Variants in ACHE observed in about 807,000 individuals in gnomAD.
ACHE encodes the protein acetylcholinesterase (Yt blood group).
Under a neutral mutation model 53.9 loss-of-function variants are expected in ACHE, and 19 were observed. That is an observed-to-expected ratio of 0.35 (90% CI 0.25 to 0.52). The LOEUF is 0.52. Ranked by LOEUF, ACHE falls within the 20% of genes least tolerant of loss-of-function variation. The pLI, the probability that ACHE is intolerant of heterozygous loss-of-function variation, is 0.95. For missense variants in ACHE, 605 were observed against 849.4 expected (o/e 0.71, Z 3.58); for synonymous variants, 392 against 378.1 (o/e 1.04, Z -0.43).
chr7:100,891,137 C>T, intron 4 of ACHE, 32 bp downstream of exon 4: 1 of 1,574,840 alleles, frequency 6.3e-7, no homozygotes, highest in Non-Finnish European at 8.6e-7. Context: ...CACTCCCCTC[C>T]TCCCAGCCGC....
chr7:100,895,989 C>T (rs935334634), upstream of ACHE: 1 of 150,430 alleles, frequency 6.6e-6, no homozygotes, highest in African/African-American at 2.4e-5. Flanking sequence ...CCCGCTCTCC[C>T]GGGTGGCCAC....
At chr7:100,895,546 G>T (rs1584779007) in intron 1 of ACHE, among the ~76,000 whole-genome samples, 1 of 152,288 alleles carries the variant, frequency 6.6e-6, no homozygotes, top group Admixed American at 6.5e-5. Flanking sequence ...CGGGGAAGGG[G>T]TGCTCGGGGG....
chr7:100,895,583 C>T (rs1280523198), intron 1 of ACHE, among the ~76,000 whole-genome samples: 1 of 152,186 alleles, frequency 6.6e-6, no homozygotes, highest in African/African-American at 2.4e-5. Context: ...AGCGCAGAGG[C>T]GGCGGCCGTT....
Position 100,890,050 on chromosome 7 carries a change from C to A in ACHE, c.*164G>T, listed in dbSNP as rs1291135821. ...GGCGAAGGCACCGCGGGGGAGGGAG[C>A]TCAGCCTGAGACATGCAGAGGACCG... On this transcript the variant is annotated 3_prime_UTR_variant, in exon 5 of 5. Transcript: ENST00000241069. 2.5e-6 allele frequency: 2 copies of A among 809,368 alleles called. No individual in the cohort carries two copies. Among genetic ancestry groups the A allele is most frequent in the East Asian group, 5.6e-5 (2 of 35,926 alleles). The allele number at this position is 809,368 out of a possible 1,614,324, so 50.1% of individuals were successfully genotyped here.
intron 1 of ACHE, among the ~76,000 whole-genome samples, chr7:100,894,817 T>C (rs1308405849): frequency 6.6e-6 from 1 of 151,628 alleles, no homozygotes; most frequent in Non-Finnish European, 1.5e-5. Context: ...TCATCCAATG[T>C]CTGGCACCGA....
intron 4 of ACHE, chr7:100,890,760 C>T: frequency 7.4e-7 from 1 of 1,343,338 alleles, no homozygotes. Flanking sequence ...TTTCCATTTC[C>T]ATTCAAACAA....
Position 100,893,027 on chromosome 7 carries a change from G to C in ACHE, c.1068+138C>G, listed in dbSNP as rs992479239. 5 of 1,207,930 alleles carry C rather than the reference G, an allele frequency of 4.1e-6. No homozygotes were observed. The African/African-American group carries it at 7.7e-5, about 18-fold the overall frequency. The allele number at this position is 1,207,930 out of a possible 1,614,324, so 74.8% of individuals were successfully genotyped here. A position where few individuals can be genotyped will look rare whatever the true frequency, so the allele number is the denominator to read the frequency against. Reference sequence around the variant, plus strand: ...CTGTCTGCCCTGCTGACCACCCTGGGATCTGAGCCCTCAGGGAGGACTTCT... The same window carrying C: ...CTGTCTGCCCTGCTGACCACCCTGGCATCTGAGCCCTCAGGGAGGACTTCT... On this transcript the variant is annotated intron_variant, in intron 2 of 4. Coordinates refer to ENST00000241069, the MANE Select transcript of ACHE (RefSeq NM_000665.5).
chr7:100,895,838 G>C lies in ACHE; in HGVS notation c.-57C>G, dbSNP rs1187039181. ...GAGCCGGGCCGGGCCGGGCCGCGCC[G>C]GGAGCTGGAGGCGGCCGATGTTCCC... On this transcript the variant is annotated 5_prime_UTR_variant, in exon 1 of 5. Transcript: ENST00000241069. 2 of 152,098 alleles carry C rather than the reference G, an allele frequency of 1.3e-5. No individual in the cohort carries two copies. The highest frequency in any genetic ancestry group is 2.4e-5 in the African/African-American group (1 of 41,396). The allele number at this position is 152,098 out of a possible 1,614,324, so 9.4% of individuals were successfully genotyped here.
chr7:100,893,389 G>T lies in ACHE; in HGVS notation c.844C>A (p.Leu282Met). The stretch of plus-strand genomic sequence containing the variant: ...GGAGGACAGCCCACAAGGTGGGCCA[G>T]CTGCGTGGCCCTGCGACGGGCCTCT... ...MGEARRRATQ[L>M]AHLVGCPPGG... is the part of the protein sequence containing the mutation. Residue 282 changes from leucine to methionine, a missense_variant, in exon 2 of 5, where the codon CTG becomes ATG. This residue lies in a region of ACHE where 397 missense variants were observed against 632.5 expected (regional missense o/e 0.63). Transcript: ENST00000241069. 6.2e-7 allele frequency: 1 copy of T among 1,613,066 alleles called. No homozygotes were observed.
At position 100,891,242 on chromosome 7, in the gene ACHE, C is replaced by T. The variant is rs776450194; in HGVS notation, c.1650G>A (p.Glu550=). The part of the protein sequence containing the change: ...QYVSLDLRPL[E]VRRGLRAQAC... ...CCTGGGCGCGCAGCCCCCGCCGCACCTCCAGCGGCCGCAGGTCCAGACTAA... is the reference window on the plus strand; with the variant it reads ...CCTGGGCGCGCAGCCCCCGCCGCACTTCCAGCGGCCGCAGGTCCAGACTAA... Residue 550 remains glutamate (E), a synonymous_variant, in exon 4 of 5, where the codon GAG becomes GAA. Transcript: ENST00000241069. 3.1e-6 allele frequency: 5 copies of T among 1,611,530 alleles called. No homozygotes were observed. Among genetic ancestry groups the T allele is most frequent in the Non-Finnish European group, 8.5e-7 (1 of 1,179,672 alleles).
intron 4 of ACHE, 126 bp from the exon 5 acceptor site, chr7:100,890,461 C>T (rs1156790447): frequency 1.4e-6 from 2 of 1,470,852 alleles, no homozygotes; most frequent in Admixed American, 2.2e-5. Context: ...ATGCAGGCGA[C>T]CACGTGGGAC....
chr7:100,890,607 G>A (rs748830679), intron 4 of ACHE: 1 of 1,384,208 alleles, frequency 7.2e-7, no homozygotes, highest in African/African-American at 1.5e-5. Flanking sequence ...GGGACAGGAG[G>A]GGGAGGTTGG....
chr7:100,895,644 G>A (rs1184789524), intron 1 of ACHE, among the ~76,000 whole-genome samples, 158 bp downstream of exon 1: 1 of 152,182 alleles, frequency 6.6e-6, no homozygotes, highest in Non-Finnish European at 1.5e-5. Flanking sequence ...AGGCGGCCGG[G>A]GAAGAGTTCC....
upstream of ACHE, chr7:100,896,632 G>T (rs1444449622): frequency 7.3e-6 from 2 of 274,258 alleles, no homozygotes; most frequent in South Asian, 5.1e-5. Context: ...GGAAACTTCT[G>T]GAACCCCCGC....
In ACHE at chr7:100,890,232, A is replaced by T; in HGVS notation, c.1827T>A (p.Asp609Glu). 1.2e-6 allele frequency: 2 copies of T among 1,613,958 alleles called. No homozygotes were observed. Among genetic ancestry groups the T allele is most frequent in the Non-Finnish European group, 1.7e-6 (2 of 1,179,906 alleles). ...KNQFDHYSKQ[D>E]RCSDL ...GCCGGGGTCACAGGTCTGAGCAGCG[A>T]TCCTGCTTGCTGTAGTGGTCGAACT... The change falls in exon 5 of 5, where the codon GAT becomes GAA. Residue 609 changes from aspartate (D) to glutamate (E), a missense_variant. Physicochemically the swap from Asp to Glu is conservative, Grantham distance 45 (BLOSUM62 2). Around this residue, in one of 4 missense-constraint regions of ACHE, gnomAD observed 28 missense variants for 54.8 expected, o/e 0.51. Coordinates refer to ENST00000241069, the MANE Select transcript of ACHE (RefSeq NM_000665.5).
At chr7:100,890,400 AT>A (rs1790596128) in intron 4 of ACHE, 65 bp from the exon 5 acceptor site, 1 of 1,561,280 alleles carries the variant, frequency 6.4e-7, no homozygotes, top group Non-Finnish European at 8.7e-7. Flanking sequence ...GGGATCGGAC[AT>A]TTGGGCGGGT....
chr7:100,891,152 C>T lies in ACHE; in HGVS notation c.1723+17G>A, dbSNP rs745436561. Reference sequence around the variant, plus strand: ...CACTCCCCTCCTCCCAGCCGCTGCCCGCTGGCCCCTGCATACCGGTGGCGC... The same window carrying T: ...CACTCCCCTCCTCCCAGCCGCTGCCTGCTGGCCCCTGCATACCGGTGGCGC... On this transcript the variant is annotated intron_variant, in intron 4 of 4. Transcript: ENST00000241069. 5 of 1,590,100 alleles carry T rather than the reference C, an allele frequency of 3.1e-6. No homozygotes were observed. Among genetic ancestry groups the T allele is most frequent in the Non-Finnish European group, 4.3e-6 (5 of 1,169,358 alleles).
intron 2 of ACHE, 112 bp downstream of exon 2, chr7:100,893,052 TG>T (rs1790798001): frequency 7.6e-7 from 1 of 1,312,094 alleles, no homozygotes; most frequent in Admixed American, 2.2e-5. Context: ...GGAGGACTTC[TG>T]GGACTTCTGG....
chr7:100,890,230 C>T lies in ACHE; in HGVS notation c.1829G>A (p.Arg610His), dbSNP rs374208818. The T allele has an allele frequency of 6.2e-7, 1 of 1,613,868 alleles. No homozygotes were observed. Among genetic ancestry groups the T allele is most frequent in the Non-Finnish European group, 8.5e-7 (1 of 1,179,882 alleles). The change falls in exon 5 of 5, where the codon CGC (arginine) becomes CAC (histidine). Residue 610 changes from arginine (R) to histidine (H), a missense_variant. Around this residue, in one of 4 missense-constraint regions of ACHE, gnomAD observed 28 missense variants for 54.8 expected, o/e 0.51. Coordinates refer to ENST00000241069, the MANE Select transcript of ACHE (RefSeq NM_000665.5). ...CCGCCGGGGTCACAGGTCTGAGCAGCGATCCTGCTTGCTGTAGTGGTCGAA... is the reference window on the plus strand; with the variant it reads ...CCGCCGGGGTCACAGGTCTGAGCAGTGATCCTGCTTGCTGTAGTGGTCGAA... ...NQFDHYSKQDRCSDL is the reference protein window; with the variant it reads ...NQFDHYSKQDHCSDL
Sources: gnomAD v4.1 joint callset for allele counts (sites outside exome capture counted in the v4.1 genomes callset) on GRCh38, gnomAD v4.1.1 for gene constraint, gnomAD v4.1.1 regional missense constraint, MANE v1.5 for transcripts, NCBI Gene and HGNC (gene_info 2026-07-23, HGNC 2026-07-21) for gene names.